SMAD1: variants seen among roughly 807,000 people sequenced by gnomAD.
SMAD1 encodes SMAD family member 1, also known as MAD, mothers against decapentaplegic homolog 1.
In SMAD1, 6 loss-of-function variants were observed where a neutral mutation model predicts 41.6. That is an observed-to-expected ratio of 0.14 (90% CI 0.08 to 0.28). The LOEUF (loss-of-function observed/expected upper bound fraction) is 0.28. Ranked by LOEUF, SMAD1 falls within the 10% of genes least tolerant of loss-of-function variation. SMAD1 has a pLI of 1.00. For synonymous variants in SMAD1, 206 were observed against 203.2 expected (o/e 1.01, Z -0.12); for missense variants, 379 against 582.6 (o/e 0.65, Z 3.60).
At chr4:145,528,063 A>AC (rs1731124524) in intron 2 of SMAD1, among the ~76,000 whole-genome samples, 1 of 97,088 alleles carries the variant, frequency 1.0e-5, no homozygotes, top group Non-Finnish European at 1.7e-5. Context: ...TTGTTTGTAC[A>AC]CACACACACA....
In SMAD1 at chr4:145,514,998, A is replaced by C. The variant is rs7694086; in HGVS notation, c.385A>C (p.Arg129=). 4,476 of 1,607,344 alleles carry C rather than the reference A, an allele frequency of 2.8e-3. 82 individuals are homozygous for C. The African/African-American group carries it at 0.04, about 14-fold the overall frequency. ...CTGCATCAATCCCTACCACTATAAGAGAGTAGAAAGCCCTGGTAAGTGAGT... is the reference window on the plus strand; with the variant it reads ...CTGCATCAATCCCTACCACTATAAGCGAGTAGAAAGCCCTGGTAAGTGAGT... The part of the protein sequence containing the change: ...EVCINPYHYK[R]VESPVLPPVL... Residue 129 remains arginine, a synonymous_variant, in exon 2 of 7, where the codon AGA becomes CGA. Transcript: ENST00000302085. The surrounding 1 kb of genome is among the most constrained non-coding windows in gnomAD (Gnocchi z 4.7).
intron 2 of SMAD1, among the ~76,000 whole-genome samples, chr4:145,522,460 C>T (rs1189837553): frequency 2.6e-5 from 4 of 151,706 alleles, no homozygotes; most frequent in East Asian, 2.0e-4. Context: ...AATTAGCCCA[C>T]GTGGTGGTGC....
intron 4 of SMAD1, among the ~76,000 whole-genome samples, chr4:145,543,529 A>G (rs1214977711): frequency 1.3e-5 from 2 of 152,244 alleles, no homozygotes; most frequent in Non-Finnish European, 2.9e-5. Context: ...ATTGAGGCAC[A>G]AGTTTTTCCC....
chr4:145,554,240 T>G (rs1732717405), intron 6 of SMAD1, among the ~76,000 whole-genome samples, 200 bp downstream of exon 6: 1 of 152,158 alleles, frequency 6.6e-6, no homozygotes, highest in African/African-American at 2.4e-5. Context: ...AGTACTTGTA[T>G]TAAATATCAA....
intron 2 of SMAD1, among the ~76,000 whole-genome samples, chr4:145,532,068 G>C (rs1182215088): frequency 1.3e-5 from 2 of 152,164 alleles, no homozygotes; most frequent in African/African-American, 4.8e-5. Context: ...ATCCTTTCCA[G>C]AGCTCAGCCC....
At chr4:145,518,990 G>A (rs1291266184) in intron 2 of SMAD1, among the ~76,000 whole-genome samples, 1 of 121,694 alleles carries the variant, frequency 8.2e-6, no homozygotes, top group African/African-American at 2.6e-5. Context: ...TAACATATCT[G>A]TCACCTCCCA....
chr4:145,504,602 A>G (rs1729662120), intron 1 of SMAD1, among the ~76,000 whole-genome samples: 2 of 152,018 alleles, frequency 1.3e-5, no homozygotes. Context: ...TAGGGGTACT[A>G]TTTCTCTGTT....
chr4:145,557,678 G>A, intron 6 of SMAD1, 113 bp from the exon 7 acceptor site: 1 of 753,110 alleles, frequency 1.3e-6, no homozygotes, highest in Non-Finnish European at 2.0e-6. Context: ...GGGGGTCAGG[G>A]AGGAAAGATG....
At chr4:145,544,750 CAT>C (rs1732152235) in intron 4 of SMAD1, 1 of 152,066 alleles carries the variant, frequency 6.6e-6, no homozygotes, top group African/African-American at 2.4e-5. Context: ...TCTTATCAAA[CAT>C]AATTCTGAGT....
intron 1 of SMAD1, among the ~76,000 whole-genome samples, chr4:145,489,297 C>A (rs1728651612): frequency 6.6e-6 from 1 of 151,974 alleles, no homozygotes; most frequent in African/African-American, 2.4e-5. Flanking sequence ...ATTTTAGGGC[C>A]TTAGAGTGCC....
chr4:145,514,961 G>A lies in SMAD1; in HGVS notation c.348G>A (p.Lys116=), dbSNP rs778308383. Residue 116 remains lysine (K), a synonymous_variant, in exon 2 of 7, where the codon AAG becomes AAA. Coordinates refer to ENST00000302085, the MANE Select transcript of SMAD1 (RefSeq NM_005900.3). This position sits in a 1 kb window ranked among gnomAD's most constrained non-coding sequence, Gnocchi z 4.7. ...LECCEFPFGS[K]QKEVCINPYH... ...GCTGTGAGTTTCCTTTTGGTTCCAA[G>A]CAGAAGGAGGTCTGCATCAATCCCT... is the stretch of plus-strand genomic sequence containing the variant. 9 of 1,613,982 alleles carry A rather than the reference G, an allele frequency of 5.6e-6. No individual in the cohort carries two copies. Among genetic ancestry groups the A allele is most frequent in the Non-Finnish European group, 7.6e-6 (9 of 1,179,986 alleles).
intron 1 of SMAD1, among the ~76,000 whole-genome samples, chr4:145,487,120 A>G (rs768239651): frequency 3.3e-5 from 5 of 152,186 alleles, no homozygotes; most frequent in Admixed American, 1.3e-4. Context: ...GAAAAGCCCT[A>G]TATCTAATTT....
intron 1 of SMAD1, chr4:145,497,456 G>C (rs1258484804): frequency 6.6e-6 from 1 of 152,158 alleles, no homozygotes; most frequent in Non-Finnish European, 1.5e-5. Flanking sequence ...ATAACCATAA[G>C]CTTGATGGTA....
intron 3 of SMAD1, among the ~76,000 whole-genome samples, chr4:145,541,348 G>A (rs950130606): frequency 6.6e-6 from 1 of 152,334 alleles, no homozygotes; most frequent in East Asian, 1.9e-4. Context: ...ATAGTATCAA[G>A]AATTATCGGG....
At chr4:145,499,987 A>G (rs1429676273) in intron 1 of SMAD1, among the ~76,000 whole-genome samples, 1 of 152,212 alleles carries the variant, frequency 6.6e-6, no homozygotes. Context: ...TCATACTTCT[A>G]AAAATTAAAC....
At chr4:145,534,081 G>A (rs976709955) in intron 2 of SMAD1, among the ~76,000 whole-genome samples, 3 of 152,168 alleles carry the variant, frequency 2.0e-5, no homozygotes, top group African/African-American at 7.2e-5. Flanking sequence ...AGGAGAAAAG[G>A]CCATGTGAGT....
At chr4:145,483,451 T>C (rs1019269284) in intron 1 of SMAD1, among the ~76,000 whole-genome samples, 2 of 152,236 alleles carry the variant, frequency 1.3e-5, no homozygotes, top group African/African-American at 4.8e-5. Context: ...TGTTTGTAAT[T>C]ACTTTAAATT....
intron 1 of SMAD1, among the ~76,000 whole-genome samples, chr4:145,493,298 A>G (rs1728875681): frequency 6.6e-6 from 1 of 152,222 alleles, no homozygotes; most frequent in Non-Finnish European, 1.5e-5. Flanking sequence ...GTAATGATAC[A>G]GTGGATATTG....
intron 2 of SMAD1, among the ~76,000 whole-genome samples, chr4:145,536,447 G>A (rs1731617941): frequency 6.6e-6 from 1 of 152,076 alleles, no homozygotes; most frequent in African/African-American, 2.4e-5. Flanking sequence ...AAGGCACAGG[G>A]ACTAGCTTGA....
Sources: allele counts gnomAD v4.1 joint callset (sites outside exome capture counted in the v4.1 genomes callset), GRCh38; gene constraint gnomAD v4.1.1; non-coding constraint Gnocchi (gnomAD v3.1); transcripts MANE v1.5; gene names NCBI Gene and HGNC (gene_info 2026-07-23, HGNC 2026-07-21).